The following MSH3 variants were observed in gnomAD, a reference collection of about 807,000 sequenced individuals.
The protein encoded by MSH3 is mutS homolog 3.
In MSH3, 106 loss-of-function variants were observed where a neutral mutation model predicts 123.3. The observed-to-expected ratio is 0.86, with a 90% confidence interval of 0.73 to 1.01. MSH3 has a LOEUF of 1.01. Among genes scored for constraint, MSH3 ranks in the 50% least tolerant of loss-of-function variants. The probability of loss-of-function intolerance (pLI) is 0.00; values close to 1 mark genes in which losing one functional copy is unlikely to be tolerated. For synonymous variants in MSH3, 515 were observed against 481.4 expected (o/e 1.07, Z -0.91); for missense variants, 1,459 against 1,347.6 (o/e 1.08, Z -1.29).
At position 80,654,880 on chromosome 5, in the gene MSH3, T is replaced by TGCAGCC; in HGVS notation, c.158_159insCGCAGC (p.Ala61_Ala62dup). 3 of 1,538,676 alleles carry TGCAGCC rather than the reference T, an allele frequency of 1.9e-6. No homozygotes were observed. Among genetic ancestry groups the TGCAGCC allele is most frequent in the Non-Finnish European group, 2.6e-6 (3 of 1,135,058 alleles). Reference sequence around the variant, plus strand: ...CAGCCGACCAGGTGGACCCTGGCGCTGCAGCGGCTGCAGCGGCCGCAGCGG... The same window carrying TGCAGCC: ...CAGCCGACCAGGTGGACCCTGGCGCTGCAGCCGCAGCGGCTGCAGCGGCCGCAGCGG... On this transcript the variant is annotated inframe_insertion, in exon 1 of 24. Coordinates refer to ENST00000265081, the MANE Select transcript of MSH3 (RefSeq NM_002439.5).
At chr5:80,689,960 C>T (rs1159518142) in intron 8 of MSH3, among the ~76,000 whole-genome samples, 2 of 152,064 alleles carry the variant, frequency 1.3e-5, no homozygotes, top group African/African-American at 2.4e-5. Context: ...GGTCATAGCT[C>T]ATTGCAGCCT....
chr5:80,678,348 A>G (rs1458284105), intron 7 of MSH3, among the ~76,000 whole-genome samples: 4 of 152,268 alleles, frequency 2.6e-5, no homozygotes, highest in African/African-American at 9.6e-5. Context: ...AGCAGGTTCA[A>G]GTTGGCATGA....
At chr5:80,751,974 T>C (rs1743847897) in intron 12 of MSH3, among the ~76,000 whole-genome samples, 1 of 152,102 alleles carries the variant, frequency 6.6e-6, no homozygotes, top group Admixed American at 6.6e-5. Context: ...TAAATAACCA[T>C]TGAATTTTGT....
At chr5:80,738,173 C>T (rs1220776534) in intron 10 of MSH3, among the ~76,000 whole-genome samples, 1 of 152,114 alleles carries the variant, frequency 6.6e-6, no homozygotes, top group African/African-American at 2.4e-5. Flanking sequence ...TACTGGTTTC[C>T]TTTTGATATT....
chr5:80,829,701 T>C (rs1561491827), intron 20 of MSH3, among the ~76,000 whole-genome samples: 1 of 152,368 alleles, frequency 6.6e-6, no homozygotes, highest in Non-Finnish European at 1.5e-5. Context: ...AGTTTTCTTA[T>C]AATGCCTTTG....
chr5:80,792,383 C>T (rs1744622706), intron 18 of MSH3, among the ~76,000 whole-genome samples: 1 of 150,684 alleles, frequency 6.6e-6, no homozygotes, highest in African/African-American at 2.4e-5. Flanking sequence ...TGCACTGCAG[C>T]CTGGGCAGCA....
At chr5:80,790,114 CT>C in intron 18 of MSH3, among the ~76,000 whole-genome samples, 1 of 152,264 alleles carries the variant, frequency 6.6e-6, no homozygotes, top group South Asian at 2.1e-4. Flanking sequence ...AGGAATCCCA[CT>C]TTAAAAATTT....
chr5:80,753,786 T>A (rs979598163), intron 12 of MSH3, among the ~76,000 whole-genome samples: 13 of 152,032 alleles, frequency 8.6e-5, no homozygotes, highest in Non-Finnish European at 1.8e-4. Flanking sequence ...GGCTCTTCAG[T>A]TTTAAACGTG....
chr5:80,686,393 C>T (rs1750092704), intron 8 of MSH3, among the ~76,000 whole-genome samples: 1 of 150,992 alleles, frequency 6.6e-6, no homozygotes, highest in Non-Finnish European at 1.5e-5. Flanking sequence ...ACCTCTGCCT[C>T]CCGGGTTTAA....
At chr5:80,748,574 A>G (rs1743765413) in intron 12 of MSH3, among the ~76,000 whole-genome samples, 1 of 152,096 alleles carries the variant, frequency 6.6e-6, no homozygotes, top group African/African-American at 2.4e-5. Flanking sequence ...AATGCATGTC[A>G]CATTGGCATG....
chr5:80,746,410 T>C, intron 12 of MSH3: 3 of 434,062 alleles, frequency 6.9e-6, no homozygotes, highest in South Asian at 5.1e-5. Flanking sequence ...ATTTTTGATA[T>C]TGGAAGTCTT....
At chr5:80,657,974 A>C (rs2405880) in intron 2 of MSH3, among the ~76,000 whole-genome samples, 38,523 of 149,264 alleles carry the variant, frequency 0.26, 5,102 homozygotes, top group Middle Eastern at 0.33. Flanking sequence ...ATGAGCACCT[A>C]TGATTTTTAT....
At chr5:80,858,000 A>T (rs917648004) in intron 21 of MSH3, among the ~76,000 whole-genome samples, 2 of 151,410 alleles carry the variant, frequency 1.3e-5, no homozygotes, top group Middle Eastern at 3.2e-3. Context: ...TTTTTTTCTA[A>T]TGTGTTCAGT....
At chr5:80,760,859 G>T (rs997300732) in intron 12 of MSH3, among the ~76,000 whole-genome samples, 3 of 152,174 alleles carry the variant, frequency 2.0e-5, no homozygotes, top group Admixed American at 6.5e-5. Context: ...AGGGCTAGAG[G>T]TGGCTTACAT....
At chr5:80,839,510 T>C (rs1336240279) in intron 20 of MSH3, among the ~76,000 whole-genome samples, 2 of 152,220 alleles carry the variant, frequency 1.3e-5, no homozygotes, top group East Asian at 3.8e-4. Context: ...TTTATAGCCA[T>C]CCTAGAACAA....
intron 20 of MSH3, among the ~76,000 whole-genome samples, chr5:80,820,221 A>G (rs1745182341): frequency 6.6e-6 from 1 of 152,240 alleles, no homozygotes; most frequent in Non-Finnish European, 1.5e-5. Context: ...ATCTGGTTCA[A>G]AGGTTTCCAC....
intron 12 of MSH3, among the ~76,000 whole-genome samples, chr5:80,760,210 TATTC>T (rs1242394066): frequency 6.6e-6 from 1 of 152,206 alleles, no homozygotes; most frequent in Non-Finnish European, 1.5e-5. Flanking sequence ...CTTGTTTATT[TATTC>T]ATTCATTCAT....
At position 80,864,896 on chromosome 5, in the gene MSH3, C is replaced by A. The variant is rs1455214605; in HGVS notation, c.3084C>A (p.Tyr1028Ter). ...ATTACTCACACCAGGTGGGGAATTA[C>A]CACATGGGATTCTTGGTCAGTGAGG... ...EKNYSHQVGN[Y>*]HMGFLVSEDE... Residue 1028 changes from tyrosine (Y) to a stop codon, truncating the protein, a stop_gained, in exon 22 of 24, where the codon TAC becomes TAA. Transcript: ENST00000265081. LOFTEE classifies it high-confidence loss of function. The A allele has an allele frequency of 6.2e-7, 1 of 1,613,628 alleles. No individual in the cohort carries two copies. The highest frequency in any genetic ancestry group is 1.3e-5 in the African/African-American group (1 of 74,912).
At chr5:80,836,799 G>A (rs960268589) in intron 20 of MSH3, among the ~76,000 whole-genome samples, 1 of 146,800 alleles carries the variant, frequency 6.8e-6, no homozygotes, top group African/African-American at 2.7e-5. Context: ...ATATTATTTT[G>A]TATTGTTTTT....
Sources: gnomAD v4.1 joint callset for allele counts (sites outside exome capture counted in the v4.1 genomes callset) on GRCh38, gnomAD v4.1.1 for gene constraint, MANE v1.5 for transcripts, NCBI Gene and HGNC (gene_info 2026-07-23, HGNC 2026-07-21) for gene names.